Variants in AMN1 observed in about 807,000 individuals in gnomAD.
AMN1 encodes the protein protein AMN1 homolog.
A neutral mutation model predicts 33.0 loss-of-function variants in AMN1; 20 were observed. That is an observed-to-expected ratio of 0.61 (90% CI 0.43 to 0.88). AMN1 has a LOEUF of 0.88. Among genes scored for constraint, AMN1 ranks in the 40% least tolerant of loss-of-function variants. The pLI is 0.00. For missense variants in AMN1, 246 were observed against 307.4 expected, an observed-to-expected ratio of 0.80 and a Z score of 1.49; for synonymous variants, 114 against 111.9, an observed-to-expected ratio of 1.02 and a Z score of -0.12.
intron 5 of AMN1, among the ~76,000 whole-genome samples, chr12:31,689,781 T>C (rs1938423518): frequency 6.6e-6 from 1 of 152,186 alleles, no homozygotes; most frequent in South Asian, 2.1e-4. Context: ...TTCCATAGAT[T>C]TTTGGGGAAC....
At chr12:31,693,956 C>T (rs1938611336) in intron 5 of AMN1, among the ~76,000 whole-genome samples, 1 of 152,144 alleles carries the variant, frequency 6.6e-6, no homozygotes, top group Non-Finnish European at 1.5e-5. Flanking sequence ...CAGAAGTGAG[C>T]CACCACATTC....
chr12:31,689,160 A>G, intron 5 of AMN1, 42 bp from the exon 6 acceptor site: 1 of 1,340,218 alleles, frequency 7.5e-7, no homozygotes, highest in African/African-American at 1.4e-5. Flanking sequence ...GAAAACAAAG[A>G]TCTATAATAA....
Position 31,707,208 on chromosome 12 carries a change from A to G in AMN1, c.171+2085T>C, listed in dbSNP as rs74758500. ...TAAATAGAATAAAATTAAATAGAAAAGACCAAAATGTACTATACATTATAC... is the reference window on the plus strand; with the variant it reads ...TAAATAGAATAAAATTAAATAGAAAGGACCAAAATGTACTATACATTATAC... On this transcript the variant is annotated intron_variant, in intron 2 of 6. Coordinates refer to ENST00000281471, the MANE Select transcript of AMN1 (RefSeq NM_001113402.2). Among the ~76,000 whole-genome samples the G allele has an allele frequency of 5.7e-3, 864 of 152,274 alleles. 32 individuals carry two copies. In the East Asian group the frequency reaches 0.099, roughly 18 times the overall value.
At chr12:31,729,036 G>C (rs535179290), upstream of AMN1, 532 of 1,530,394 alleles carry the variant, frequency 3.5e-4, 2 homozygotes, top group Middle Eastern at 0.018. Context: ...CCTCTTCCGC[G>C]GTCCCAGGGC....
At chr12:31,677,024 C>T (rs1315331696) in intron 6 of AMN1, among the ~76,000 whole-genome samples, 1 of 151,616 alleles carries the variant, frequency 6.6e-6, no homozygotes, top group African/African-American at 2.4e-5. Context: ...CTTGGCCGGG[C>T]GCGGCGGCTC....
At chr12:31,680,151 A>C (rs943018151) in intron 6 of AMN1, among the ~76,000 whole-genome samples, 1 of 151,598 alleles carries the variant, frequency 6.6e-6, no homozygotes, top group Non-Finnish European at 1.5e-5. Flanking sequence ...TAGTAAGTTT[A>C]AAAATTATTT....
At chr12:31,721,943 A>T (rs1939891116) in intron 1 of AMN1, among the ~76,000 whole-genome samples, 1 of 152,252 alleles carries the variant, frequency 6.6e-6, no homozygotes, top group Non-Finnish European at 1.5e-5. Context: ...AACACACTGC[A>T]CATAGCAACA....
intron 6 of AMN1, among the ~76,000 whole-genome samples, chr12:31,674,316 G>A (rs185448019): frequency 4.6e-5 from 7 of 152,042 alleles, no homozygotes; most frequent in Non-Finnish European, 7.4e-5. Flanking sequence ...GCTGAGGTGG[G>A]AGAATTGCTT....
Position 31,682,826 on chromosome 12 carries a change from T to C in AMN1, c.703+6181A>G, listed in dbSNP as rs939676393. ...TGTAACGGTAACACCTAGTCCAGCA[T>C]TTACCAACTGTGATCTTCCAGATCA... is the stretch of plus-strand genomic sequence containing the variant. On this transcript the variant is annotated intron_variant, in intron 6 of 6. Coordinates refer to ENST00000281471, the MANE Select transcript of AMN1 (RefSeq NM_001113402.2). Among the ~76,000 whole-genome samples, 69 of 152,284 alleles carry C rather than the reference T, an allele frequency of 4.5e-4. 1 individual carries two copies. The highest frequency in any genetic ancestry group is 1.6e-3 in the African/African-American group (68 of 41,562).
chr12:31,709,212 T>G (rs764308579), intron 2 of AMN1, 81 bp downstream of exon 2: 1 of 1,471,262 alleles, frequency 6.8e-7, no homozygotes, highest in Non-Finnish European at 9.4e-7. Flanking sequence ...AGTCTTACCA[T>G]ATACCATTGT....
At chr12:31,676,435 C>T (rs1937703313) in intron 6 of AMN1, among the ~76,000 whole-genome samples, 1 of 151,114 alleles carries the variant, frequency 6.6e-6, no homozygotes, top group African/African-American at 2.4e-5. Context: ...CATGGCGAAA[C>T]CCCGTCTCTA....
chr12:31,695,065 T>C (rs541450552), intron 5 of AMN1, among the ~76,000 whole-genome samples: 1 of 152,346 alleles, frequency 6.6e-6, no homozygotes, highest in South Asian at 2.1e-4. Context: ...TTTGGAATAA[T>C]CTTTGGAAAA....
At chr12:31,707,635 A>G (rs955638664) in intron 2 of AMN1, among the ~76,000 whole-genome samples, 3 of 152,212 alleles carry the variant, frequency 2.0e-5, no homozygotes, top group African/African-American at 7.2e-5. Flanking sequence ...CTCTTAGGAC[A>G]TATGAATTAA....
At chr12:31,722,689 C>T (rs958034935) in intron 1 of AMN1, among the ~76,000 whole-genome samples, 1 of 152,150 alleles carries the variant, frequency 6.6e-6, no homozygotes, top group Admixed American at 6.5e-5. Context: ...ACAATGACTC[C>T]AAGTCAGCCT....
At chr12:31,701,744 A>G in intron 3 of AMN1, 119 bp downstream of exon 3, 2 of 856,874 alleles carry the variant, frequency 2.3e-6, no homozygotes, top group Non-Finnish European at 3.4e-6. Flanking sequence ...ACTGATAAAT[A>G]TAATTCATAT....
rs1025241346 is a variant in AMN1 at position 31,710,583 on chromosome 12, C to T, written c.39-1158G>A. 4.7e-5 allele frequency among the ~76,000 whole-genome samples: 7 copies of T among 149,532 alleles called. No individual in the cohort carries two copies. In the South Asian group the frequency reaches 1.5e-3, roughly 32 times the overall value. On this transcript the variant is annotated intron_variant, in intron 1 of 6. Transcript: ENST00000281471. ...ACACACACACACACACACACACACA[C>T]ACATTTAAAGGCTTGTGTGGGGGAG... is the stretch of plus-strand genomic sequence containing the variant.
At chr12:31,722,701 G>A (rs993113354) in intron 1 of AMN1, among the ~76,000 whole-genome samples, 5 of 152,158 alleles carry the variant, frequency 3.3e-5, no homozygotes, top group Admixed American at 3.3e-4. Context: ...AGTCAGCCTG[G>A]TTGGTACACT....
intron 1 of AMN1, among the ~76,000 whole-genome samples, chr12:31,711,788 T>C (rs1467753494): frequency 6.6e-6 from 1 of 152,198 alleles, no homozygotes; most frequent in Non-Finnish European, 1.5e-5. Flanking sequence ...ATAGTCACCC[T>C]ACCCATCTAT....
intron 5 of AMN1, among the ~76,000 whole-genome samples, chr12:31,693,310 T>A (rs553240085): frequency 1.4e-4 from 21 of 152,086 alleles, no homozygotes; most frequent in African/African-American, 4.8e-4. Context: ...TGATCTTAGC[T>A]CACTGCATCC....
Sources: allele counts gnomAD v4.1 joint callset (sites outside exome capture counted in the v4.1 genomes callset), GRCh38; gene constraint gnomAD v4.1.1; transcripts MANE v1.5; gene names NCBI Gene and HGNC (gene_info 2026-07-23, HGNC 2026-07-21).